The following IMMT variants were observed in gnomAD, a reference collection of about 807,000 sequenced individuals.
IMMT encodes the protein inner membrane mitochondrial protein.
A neutral mutation model predicts 92.7 loss-of-function variants in IMMT; 40 were observed. The ratio of observed to expected loss-of-function variants is 0.43; its 90% CI spans 0.34 to 0.56. The LOEUF is 0.56. Ranked by LOEUF, IMMT falls within the 20% of genes least tolerant of loss-of-function variation. The pLI is 0.03. For missense variants in IMMT, 831 were observed against 912.1 expected (o/e 0.91, Z 1.14); for synonymous variants, 322 against 336.1 (o/e 0.96, Z 0.46).
intron 10 of IMMT, among the ~76,000 whole-genome samples, chr2:86,154,348 T>G (rs991544675): frequency 2.0e-5 from 3 of 151,508 alleles, no homozygotes; most frequent in Non-Finnish European, 4.4e-5. Context: ...AATTTTTATA[T>G]TTTTAGTAGA....
At chr2:86,168,838 T>C (rs12478097) in intron 6 of IMMT, among the ~76,000 whole-genome samples, 72,758 of 151,712 alleles carry the variant, frequency 0.48, 17,904 homozygotes, top group Non-Finnish European at 0.51. Context: ...AGAAGTGAAA[T>C]GAGAGCAGGG....
At chr2:86,168,194 C>T (rs753600236) in intron 6 of IMMT, among the ~76,000 whole-genome samples, 1 of 152,182 alleles carries the variant, frequency 6.6e-6, no homozygotes, top group Non-Finnish European at 1.5e-5. Context: ...CAAGAGGCTT[C>T]CATCTATTAA....
chr2:86,147,054 C>G (rs1196071394), intron 13 of IMMT, among the ~76,000 whole-genome samples: 3 of 152,212 alleles, frequency 2.0e-5, no homozygotes, highest in Non-Finnish European at 4.4e-5. Flanking sequence ...AGCCACTGTG[C>G]TCAGCCACAA....
At chr2:86,160,413 G>A (rs1055467678) in intron 8 of IMMT, among the ~76,000 whole-genome samples, 1 of 152,146 alleles carries the variant, frequency 6.6e-6, no homozygotes, top group African/African-American at 2.4e-5. Context: ...AAACCTCACT[G>A]GGCGAATACT....
At chr2:86,168,388 C>T (rs562062114) in intron 6 of IMMT, among the ~76,000 whole-genome samples, 4 of 152,208 alleles carry the variant, frequency 2.6e-5, no homozygotes, top group South Asian at 2.1e-4. Context: ...TTTGGGAGGC[C>T]GAGGCAGGTG....
intron 10 of IMMT, 108 bp downstream of exon 10, chr2:86,158,484 T>G: frequency 1.2e-6 from 1 of 822,926 alleles, no homozygotes; most frequent in Non-Finnish European, 1.9e-6. Context: ...AAAAGAGATA[T>G]GCATGCATGC....
intron 6 of IMMT, among the ~76,000 whole-genome samples, 197 bp from the exon 7 acceptor site, chr2:86,166,841 T>C (rs983725961): frequency 4.6e-5 from 7 of 152,120 alleles, no homozygotes; most frequent in Non-Finnish European, 1.0e-4. Context: ...GGCTCATGCC[T>C]GTAATCCCAG....
chr2:86,175,797 A>G (rs1423735556), intron 3 of IMMT, among the ~76,000 whole-genome samples: 5 of 152,132 alleles, frequency 3.3e-5, no homozygotes, highest in African/African-American at 4.8e-5. Context: ...AGATCTGTAC[A>G]GTGAAGGATG....
At chr2:86,184,596 G>A (rs1366974892) in intron 1 of IMMT, among the ~76,000 whole-genome samples, 1 of 152,080 alleles carries the variant, frequency 6.6e-6, no homozygotes, top group Non-Finnish European at 1.5e-5. Flanking sequence ...TAGAAGAGGG[G>A]TGCTACTGCA....
intron 7 of IMMT, among the ~76,000 whole-genome samples, chr2:86,164,357 C>T (rs528109480): frequency 2.2e-4 from 33 of 151,762 alleles, no homozygotes; most frequent in African/African-American, 7.2e-4. Context: ...ACGCCTGGAC[C>T]GCTTTAGTCA....
In IMMT at chr2:86,170,778, T is replaced by C. The variant is rs748873623; in HGVS notation, c.626A>G (p.Gln209Arg). ...AATTTTAACTTGTTCTTGTTTTTCCTGTTGTGCAAGGCGAGCTGCAACTTC... is the reference window on the plus strand; with the variant it reads ...AATTTTAACTTGTTCTTGTTTTTCCCGTTGTGCAAGGCGAGCTGCAACTTC... The part of the protein sequence containing the change: ...PEEVAARLAQ[Q>R]EKQEQVKIES... The change falls in exon 6 of 15, where the codon CAG (glutamine) becomes CGG (arginine). Residue 209 changes from glutamine (Q) to arginine (R), a missense_variant. Coordinates refer to ENST00000410111, the MANE Select transcript of IMMT (RefSeq NM_006839.3). 1 of 1,587,594 alleles carries C rather than the reference T, an allele frequency of 6.3e-7. No homozygotes were observed. The highest frequency in any genetic ancestry group is 8.6e-7 in the Non-Finnish European group (1 of 1,165,200).
intron 6 of IMMT, among the ~76,000 whole-genome samples, chr2:86,167,509 G>C (rs867489491): frequency 1.2e-4 from 15 of 122,668 alleles, no homozygotes; most frequent in Non-Finnish European, 2.0e-4. Flanking sequence ...TTTGGAGACG[G>C]AGTCCCACTC....
intron 1 of IMMT, among the ~76,000 whole-genome samples, chr2:86,187,986 C>T (rs1475414564): frequency 6.6e-6 from 1 of 151,810 alleles, no homozygotes. Flanking sequence ...TTTACATTCC[C>T]ACTAGCAATG....
chr2:86,156,305 T>C (rs1675851832), intron 10 of IMMT, among the ~76,000 whole-genome samples: 1 of 152,050 alleles, frequency 6.6e-6, no homozygotes. Flanking sequence ...TGTTTTACGA[T>C]AGGCAGCCGG....
intron 1 of IMMT, among the ~76,000 whole-genome samples, chr2:86,189,958 T>A (rs533790052): frequency 1.3e-5 from 2 of 152,350 alleles, no homozygotes; most frequent in African/African-American, 4.8e-5. Flanking sequence ...GGAGAACACG[T>A]GCTCTTTAGT....
intron 12 of IMMT, 90 bp from the exon 13 acceptor site, chr2:86,147,923 G>A: frequency 1.5e-6 from 2 of 1,302,290 alleles, no homozygotes; most frequent in Non-Finnish European, 2.1e-6. Flanking sequence ...CATGACAACA[G>A]CAGCTTCCAT....
chr2:86,179,116 T>G (rs923278593), intron 3 of IMMT, among the ~76,000 whole-genome samples: 1 of 152,190 alleles, frequency 6.6e-6, no homozygotes, highest in Non-Finnish European at 1.5e-5. Flanking sequence ...GTACTAAACA[T>G]GGACAGACTT....
intron 1 of IMMT, among the ~76,000 whole-genome samples, chr2:86,187,353 G>A (rs1335650042): frequency 1.3e-5 from 2 of 152,054 alleles, no homozygotes; most frequent in African/African-American, 2.4e-5. Context: ...ATGTTTTCAC[G>A]ATTCATTCAC....
At chr2:86,159,245 C>T in intron 9 of IMMT, 1 of 399,798 alleles carries the variant, frequency 2.5e-6, no homozygotes. Flanking sequence ...ACCACCACAT[C>T]CACTTATTTT....
Sources: allele counts gnomAD v4.1 joint callset (sites outside exome capture counted in the v4.1 genomes callset), GRCh38; gene constraint gnomAD v4.1.1; transcripts MANE v1.5; gene names NCBI Gene and HGNC (gene_info 2026-07-23, HGNC 2026-07-21).